SLC24A4: variants seen among roughly 807,000 people sequenced by gnomAD.
SLC24A4 encodes the protein sodium/potassium/calcium exchanger 4.
A neutral mutation model predicts 79.0 loss-of-function variants in SLC24A4; 53 were observed. That is an observed-to-expected ratio of 0.67 (90% CI 0.54 to 0.84). SLC24A4 has a LOEUF of 0.84. SLC24A4 is among the 40% of genes least tolerant of loss of function. SLC24A4 has a pLI of 0.00. For missense variants in SLC24A4, 731 were observed against 822.0 expected (o/e 0.89, Z 1.35); for synonymous variants, 323 against 323.8 (o/e 1.00, Z 0.03).
intron 12 of SLC24A4, among the ~76,000 whole-genome samples, chr14:92,475,003 T>A (rs1360435602): frequency 6.6e-6 from 1 of 151,264 alleles, no homozygotes; most frequent in Non-Finnish European, 1.5e-5. Flanking sequence ...CGGCCTATAT[T>A]TGAACCTGTG....
In SLC24A4 at chr14:92,349,020, C is replaced by A. The variant is rs547871003; in HGVS notation, c.241+23042C>A. ...AAGTCACGCTGCAGGCTCTGGGAAT[C>A]TCATAAGATAAACCTTCACAAACAA... On this transcript the variant is annotated intron_variant, in intron 2 of 16. Coordinates refer to ENST00000532405, the MANE Select transcript of SLC24A4 (RefSeq NM_153646.4). Among the ~76,000 whole-genome samples the A allele has an allele frequency of 3.9e-5, 6 of 151,908 alleles. No homozygotes were observed. The South Asian group carries it at 8.3e-4, about 21-fold the overall frequency.
intron 12 of SLC24A4, 50 bp from the exon 13 acceptor site, chr14:92,482,630 C>A: frequency 6.6e-7 from 1 of 1,526,638 alleles, no homozygotes; most frequent in Non-Finnish European, 8.9e-7. Flanking sequence ...GTGTGTTACC[C>A]AGTGTCTTTC....
chr14:92,485,641 T>C (rs1477502363), intron 13 of SLC24A4, among the ~76,000 whole-genome samples: 2 of 152,170 alleles, frequency 1.3e-5, no homozygotes, highest in Non-Finnish European at 2.9e-5. Flanking sequence ...CTTACTGAAG[T>C]GTATTTCCAA....
At chr14:92,357,566 T>G (rs749283342) in intron 2 of SLC24A4, among the ~76,000 whole-genome samples, 1 of 152,148 alleles carries the variant, frequency 6.6e-6, no homozygotes, top group Non-Finnish European at 1.5e-5. Flanking sequence ...CTTGAAGACA[T>G]TATGTTAAGT....
chr14:92,491,600 G>T (rs1895673342), intron 14 of SLC24A4, 65 bp from the exon 15 acceptor site: 2 of 1,093,834 alleles, frequency 1.8e-6, no homozygotes, highest in Non-Finnish European at 2.8e-6. Context: ...AGAACAGTTA[G>T]GAGAAAGAAT....
At chr14:92,405,275 T>G (rs779374153) in intron 2 of SLC24A4, among the ~76,000 whole-genome samples, 47 of 152,124 alleles carry the variant, frequency 3.1e-4, no homozygotes, top group Non-Finnish European at 5.9e-4. Flanking sequence ...AGAGAAATGA[T>G]GGGTAAATTT....
intron 2 of SLC24A4, among the ~76,000 whole-genome samples, chr14:92,412,773 C>A (rs534409640): frequency 1.2e-3 from 183 of 152,288 alleles, no homozygotes; most frequent in Middle Eastern, 6.8e-3. Flanking sequence ...CTTCCCACCG[C>A]CTCACCACCC....
chr14:92,330,773 A>G (rs991947320), intron 2 of SLC24A4, among the ~76,000 whole-genome samples: 1 of 152,110 alleles, frequency 6.6e-6, no homozygotes, highest in African/African-American at 2.4e-5. Context: ...TCCTCTTATA[A>G]GGGGGCTCAT....
At position 92,454,028 on chromosome 14, in the gene SLC24A4, A is replaced by G. The variant is rs368598284; in HGVS notation, c.1009A>G (p.Arg337Gly). ...RIMITNKFGP[R>G]TRLRMASRII... ...CATGATCACCAATAAGTTTGGACCC[A>G]GGACCCGACTACGGATGGCCAGCAG... The change falls in exon 11 of 17, where the codon AGG becomes GGG. Residue 337 changes from arginine to glycine, a missense_variant. Physicochemically the swap from Arg to Gly is moderately radical, Grantham distance 125. Transcript: ENST00000532405. 6 of 1,613,314 alleles carry G rather than the reference A, an allele frequency of 3.7e-6. No individual in the cohort carries two copies. The East Asian group carries it at 1.1e-4, about 30-fold the overall frequency.
intron 7 of SLC24A4, 84 bp downstream of exon 7, chr14:92,443,558 CTG>C: frequency 7.2e-7 from 1 of 1,395,098 alleles, no homozygotes. Flanking sequence ...GCCCCTGGCA[CTG>C]TGACCAGAGA....
chr14:92,338,664 G>A (rs910219904), intron 2 of SLC24A4, among the ~76,000 whole-genome samples: 2 of 152,120 alleles, frequency 1.3e-5, no homozygotes, highest in Non-Finnish European at 2.9e-5. Flanking sequence ...CAGATCGCAC[G>A]GCAGCTTGTT....
rs1384712067 is a variant in SLC24A4, at chr14:92,433,120, G to A, written c.242-792G>A. Among the ~76,000 whole-genome samples, 5 of 152,164 alleles carry A rather than the reference G, an allele frequency of 3.3e-5. No individual in the cohort carries two copies. In the East Asian group the frequency reaches 9.6e-4, roughly 29 times the overall value. ...GGGAAGTGTGGATCCTTGCCTTCCA[G>A]AAGCTTCCAGTTTAGCTGGTGTGGT... On this transcript the variant is annotated intron_variant, in intron 2 of 16. Coordinates refer to ENST00000532405, the MANE Select transcript of SLC24A4 (RefSeq NM_153646.4).
rs545932084 is a variant in SLC24A4 at position 92,402,890 on chromosome 14, A to G, written c.242-31022A>G. Reference sequence around the variant, plus strand: ...TTGGGTGGAGACACAGCCAAACCATATCACATCCCAACAGAAGCAGAGAAA... The same window carrying G: ...TTGGGTGGAGACACAGCCAAACCATGTCACATCCCAACAGAAGCAGAGAAA... On this transcript the variant is annotated intron_variant, in intron 2 of 16. Coordinates refer to ENST00000532405, the MANE Select transcript of SLC24A4 (RefSeq NM_153646.4). 4.6e-5 allele frequency among the ~76,000 whole-genome samples: 7 copies of G among 152,288 alleles called. No individual in the cohort carries two copies. The East Asian group carries it at 1.4e-3, about 30-fold the overall frequency.
At chr14:92,415,177 A>G (rs1161411790) in intron 2 of SLC24A4, among the ~76,000 whole-genome samples, 1 of 152,126 alleles carries the variant, frequency 6.6e-6, no homozygotes, top group African/African-American at 2.4e-5. Flanking sequence ...GTTCTTTTCC[A>G]TTGATCTTCT....
chr14:92,383,905 G>T (rs1888996356), intron 2 of SLC24A4, among the ~76,000 whole-genome samples: 1 of 152,196 alleles, frequency 6.6e-6, no homozygotes, highest in South Asian at 2.1e-4. Flanking sequence ...CCCAAGCCAT[G>T]CCTGGCTGGA....
chr14:92,482,576 T>C, intron 12 of SLC24A4, 104 bp from the exon 13 acceptor site: 1 of 1,128,658 alleles, frequency 8.9e-7, no homozygotes, highest in Non-Finnish European at 1.3e-6. Context: ...TCGGTGGCAT[T>C]CTCTTATTTA....
intron 2 of SLC24A4, among the ~76,000 whole-genome samples, chr14:92,348,263 G>A (rs1425772587): frequency 6.6e-6 from 1 of 152,216 alleles, no homozygotes; most frequent in Non-Finnish European, 1.5e-5. Flanking sequence ...GATGAGCGAA[G>A]GCATCTAAAG....
rs1238411774 is a variant in SLC24A4 at position 92,449,193 on chromosome 14, C to T, written c.857C>T (p.Pro286Leu). 3.7e-6 allele frequency: 6 copies of T among 1,614,048 alleles called. No individual in the cohort carries two copies. Among genetic ancestry groups the T allele is most frequent in the Non-Finnish European group, 5.1e-6 (6 of 1,180,034 alleles). The change falls in exon 10 of 17, where the codon CCT becomes CTT. Residue 286 changes from proline (P) to leucine (L), a missense_variant. By Grantham distance (98) the Pro-to-Leu change is moderately conservative (BLOSUM62 -3). Transcript: ENST00000532405. ...TTCTATGACGGTAGCTATGATGACCCTTCCGTGCCATTGCTGGGGCAAGGT... is the reference window on the plus strand; with the variant it reads ...TTCTATGACGGTAGCTATGATGACCTTTCCGTGCCATTGCTGGGGCAAGGT... ...NDFYDGSYDD[P>L]SVPLLGQVKE...
intron 2 of SLC24A4, among the ~76,000 whole-genome samples, chr14:92,337,170 A>T (rs1885860773): frequency 6.6e-6 from 1 of 152,106 alleles, no homozygotes; most frequent in African/African-American, 2.4e-5. Flanking sequence ...CCCAGGGGGA[A>T]GTTGGCAAAC....
Sources: allele counts gnomAD v4.1 joint callset (sites outside exome capture counted in the v4.1 genomes callset), GRCh38; gene constraint gnomAD v4.1.1; transcripts MANE v1.5; gene names NCBI Gene and HGNC (gene_info 2026-07-23, HGNC 2026-07-21).